The following LTBP1 variants were observed in gnomAD, a reference collection of about 807,000 sequenced individuals.
LTBP1 encodes latent transforming growth factor beta binding protein 1, also known as latent-transforming growth factor beta-binding protein 1.
LTBP1 carries 129 observed loss-of-function variants against 207.6 expected under a neutral mutation model. The ratio of observed to expected loss-of-function variants is 0.62; its 90% CI spans 0.54 to 0.72. LTBP1 has a LOEUF of 0.72. LTBP1 is among the 30% of genes least tolerant of loss of function. The pLI, the probability that LTBP1 is intolerant of heterozygous loss-of-function variation, is 0.00. For synonymous variants in LTBP1, 963 were observed against 833.7 expected (o/e 1.16, Z -2.67); for missense variants, 2,281 against 2,217.2 (o/e 1.03, Z -0.58).
chr2:33,278,861 T>C (rs969192629), intron 18 of LTBP1, among the ~76,000 whole-genome samples: 6 of 152,214 alleles, frequency 3.9e-5, no homozygotes, highest in African/African-American at 1.4e-4. Flanking sequence ...GGCAAGAATT[T>C]TTACTGATAG....
At chr2:33,130,659 T>G (rs754515156) in intron 4 of LTBP1, among the ~76,000 whole-genome samples, 2 of 152,156 alleles carry the variant, frequency 1.3e-5, no homozygotes, top group Non-Finnish European at 2.9e-5. Flanking sequence ...ATCTGTGGTT[T>G]GTTTTAAACC....
intron 2 of LTBP1, among the ~76,000 whole-genome samples, chr2:32,959,668 T>C (rs1678775667): frequency 7.1e-6 from 1 of 140,570 alleles, no homozygotes; most frequent in Non-Finnish European, 1.5e-5. Context: ...TCGCCCAGGC[T>C]CTAGTGCAGT....
At chr2:33,042,837 T>G (rs916791384) in intron 3 of LTBP1, among the ~76,000 whole-genome samples, 1 of 152,226 alleles carries the variant, frequency 6.6e-6, no homozygotes, top group Non-Finnish European at 1.5e-5. Context: ...TAAAAAAATA[T>G]TTGGCTGATT....
chr2:33,122,880 A>G (rs2081223452), intron 4 of LTBP1, among the ~76,000 whole-genome samples: 1 of 152,160 alleles, frequency 6.6e-6, no homozygotes, highest in African/African-American at 2.4e-5. Context: ...GCAGTTGAAC[A>G]TCCTGTTGCT....
At chr2:33,014,813 A>G (rs929043134) in intron 2 of LTBP1, among the ~76,000 whole-genome samples, 2 of 152,192 alleles carry the variant, frequency 1.3e-5, no homozygotes, top group African/African-American at 4.8e-5. Flanking sequence ...TGGCGCACAG[A>G]TTGAGAATTA....
intron 2 of LTBP1, among the ~76,000 whole-genome samples, chr2:32,988,084 C>T (rs1453549264): frequency 6.6e-6 from 1 of 152,120 alleles, no homozygotes; most frequent in Non-Finnish European, 1.5e-5. Flanking sequence ...CTATAGTGTA[C>T]CTGGAAGAAG....
chr2:33,036,013 G>GT (rs2075901002), intron 3 of LTBP1, among the ~76,000 whole-genome samples: 1 of 151,996 alleles, frequency 6.6e-6, no homozygotes, highest in Non-Finnish European at 1.5e-5. Context: ...ACATTTTTAG[G>GT]TATATCTGGA....
intron 2 of LTBP1, among the ~76,000 whole-genome samples, chr2:32,987,549 T>C (rs1004190739): frequency 6.6e-6 from 1 of 152,194 alleles, no homozygotes; most frequent in African/African-American, 2.4e-5. Context: ...CCACCCACTT[T>C]GTGATCTTGG....
At chr2:33,346,691 A>T (rs994661212) in intron 25 of LTBP1, among the ~76,000 whole-genome samples, 1 of 151,972 alleles carries the variant, frequency 6.6e-6, no homozygotes, top group Non-Finnish European at 1.5e-5. Context: ...TCTCAAAAAA[A>T]AAAAAGAACT....
In LTBP1 at chr2:33,119,578, A is replaced by G. The variant is rs563136751; in HGVS notation, c.1033+8827A>G. Among the ~76,000 whole-genome samples, 5 of 152,208 alleles carry G rather than the reference A, an allele frequency of 3.3e-5. No individual in the cohort carries two copies. The East Asian group carries it at 9.7e-4, about 29-fold the overall frequency. On this transcript the variant is annotated intron_variant, in intron 4 of 33. Coordinates refer to ENST00000404816, the MANE Select transcript of LTBP1 (RefSeq NM_206943.4). ...TTTCTTTCTTTCTTTTATTTTTGAG[A>G]TGGAGTCTCGCACTGTCACCCAGGC...
intron 9 of LTBP1, among the ~76,000 whole-genome samples, chr2:33,226,540 C>G (rs2091446611): frequency 6.6e-6 from 1 of 152,186 alleles, no homozygotes; most frequent in African/African-American, 2.4e-5. Context: ...GTAGCAGCAG[C>G]GTACAGCAAC....
chr2:33,121,183 T>TTTTTC (rs869115547), intron 4 of LTBP1, among the ~76,000 whole-genome samples: 1 of 129,912 alleles, frequency 7.7e-6, no homozygotes. Flanking sequence ...TTTTTTTTTT[T>TTTTTC]AGTTTCTTAC....
At chr2:33,120,313 T>C (rs2081031048) in intron 4 of LTBP1, among the ~76,000 whole-genome samples, 1 of 152,184 alleles carries the variant, frequency 6.6e-6, no homozygotes, top group Non-Finnish European at 1.5e-5. Context: ...ACCGTAGTTA[T>C]CTTTTCTGCC....
intron 22 of LTBP1, among the ~76,000 whole-genome samples, chr2:33,304,499 G>A (rs565508071): frequency 2.8e-4 from 43 of 152,260 alleles, no homozygotes; most frequent in Admixed American, 2.1e-3. Context: ...TGGCCTCCTC[G>A]TAGAGTCAGA....
intron 19 of LTBP1, among the ~76,000 whole-genome samples, chr2:33,288,331 G>C (rs916348152): frequency 6.7e-6 from 1 of 150,368 alleles, no homozygotes; most frequent in African/African-American, 2.5e-5. Context: ...ATGGTGGGCT[G>C]TGCCCACCAG....
intron 2 of LTBP1, 21 bp from the exon 3 acceptor site, chr2:33,020,888 C>A: frequency 6.4e-7 from 1 of 1,550,874 alleles, no homozygotes; most frequent in Non-Finnish European, 8.7e-7. Context: ...CAAAGCTGTG[C>A]CTTCTGTTTT....
chr2:33,131,908 T>C (rs2081825037), intron 4 of LTBP1, among the ~76,000 whole-genome samples: 1 of 152,180 alleles, frequency 6.6e-6, no homozygotes, highest in Non-Finnish European at 1.5e-5. Context: ...CTCCAGTGCT[T>C]ATAAAGTGAC....
intron 23 of LTBP1, 55 bp from the exon 24 acceptor site, chr2:33,315,089 T>C: frequency 3.5e-6 from 5 of 1,420,180 alleles, no homozygotes; most frequent in Non-Finnish European, 4.8e-6. Flanking sequence ...TTTGATAGTA[T>C]ATGGGAATGA....
chr2:33,030,459 TA>T (rs920732532), intron 3 of LTBP1, among the ~76,000 whole-genome samples: 4 of 151,964 alleles, frequency 2.6e-5, no homozygotes, highest in African/African-American at 9.7e-5. Context: ...TTGAAGGAGC[TA>T]AAAAAAATTC....
Sources: gnomAD v4.1 joint callset for allele counts (sites outside exome capture counted in the v4.1 genomes callset) on GRCh38, gnomAD v4.1.1 for gene constraint, MANE v1.5 for transcripts, NCBI Gene and HGNC (gene_info 2026-07-23, HGNC 2026-07-21) for gene names.